Variants in GALNT6 observed in about 807,000 individuals in gnomAD.
The protein encoded by GALNT6 is polypeptide N-acetylgalactosaminyltransferase 6, also known as GalNAc transferase 6.
A neutral mutation model predicts 65.9 loss-of-function variants in GALNT6; 51 were observed. That is an observed-to-expected ratio of 0.77 (90% CI 0.62 to 0.98). The LOEUF (loss-of-function observed/expected upper bound fraction) is 0.98, where lower values mean the gene tolerates loss of function less well. GALNT6 is among the 50% of genes least tolerant of loss of function. The pLI is 0.00. For synonymous variants in GALNT6, 323 were observed against 315.1 expected, an observed-to-expected ratio of 1.02 and a Z score of -0.26; for missense variants, 708 against 803.3, an observed-to-expected ratio of 0.88 and a Z score of 1.43.
Position 51,354,394 on chromosome 12 carries a change from C to T in GALNT6, c.1854G>A (p.Leu618=). Residue 618 remains leucine, a synonymous_variant, in exon 12 of 12, where the codon TTG becomes TTA. Transcript: ENST00000356317. ...GATCTGGGTCCTAGACAAAGAGCCA[C>T]AACTGATGGGGGTCACTGGGATTGC... The part of the protein sequence containing the change: ...APCNPSDPHQ[L]WLFV 1 of 1,566,764 alleles carries T rather than the reference C, an allele frequency of 6.4e-7. No individual in the cohort carries two copies. The highest frequency in any genetic ancestry group is 8.6e-7 in the Non-Finnish European group (1 of 1,160,232).
At chr12:51,360,881 G>A (rs748296524) in intron 6 of GALNT6, 43 bp from the exon 7 acceptor site, 13 of 1,350,734 alleles carry the variant, frequency 9.6e-6, no homozygotes, top group Admixed American at 1.7e-5. Flanking sequence ...TCTGGGAGAG[G>A]AGGAGCGGAG....
chr12:51,378,570 ACG>A (rs139471673), intron 3 of GALNT6, among the ~76,000 whole-genome samples: 2,042 of 152,248 alleles, frequency 0.013, 41 homozygotes, highest in African/African-American at 0.047. Context: ...CTAAAGACTC[ACG>A]AAATCTGGGG....
At position 51,352,349 on chromosome 12, in the gene GALNT6, G is replaced by T. The variant is rs182408062; in HGVS notation, c.*2030C>A. 6.6e-6 allele frequency: 1 copy of T among 152,250 alleles called. No individual in the cohort carries two copies. The highest frequency in any genetic ancestry group is 1.9e-4 in the East Asian group (1 of 5,168). The allele number at this position is 152,250 out of a possible 1,614,324, so 9.4% of individuals were successfully genotyped here. On this transcript the variant is annotated 3_prime_UTR_variant, in exon 12 of 12. Coordinates refer to ENST00000356317, the MANE Select transcript of GALNT6 (RefSeq NM_007210.4). Reference sequence around the variant, plus strand: ...CCTTATCAGAGTCCTTACCCTCAGGGCTACTGATACCTTGCTGGGTGACCT... The same window carrying T: ...CCTTATCAGAGTCCTTACCCTCAGGTCTACTGATACCTTGCTGGGTGACCT...
chr12:51,384,551 G>A (rs927330121), intron 2 of GALNT6, among the ~76,000 whole-genome samples: 16 of 151,986 alleles, frequency 1.1e-4, no homozygotes, highest in Admixed American at 2.0e-4. Context: ...AATTAGCCAG[G>A]CATGGTGGCA....
intron 4 of GALNT6, among the ~76,000 whole-genome samples, chr12:51,369,781 T>TC (rs1947229381): frequency 6.6e-6 from 1 of 151,930 alleles, no homozygotes; most frequent in South Asian, 2.1e-4. Flanking sequence ...CATGCTAGAA[T>TC]CCCCCCTGCT....
chr12:51,375,979 G>GA (rs1947440823), intron 4 of GALNT6, among the ~76,000 whole-genome samples: 1 of 152,038 alleles, frequency 6.6e-6, no homozygotes. Flanking sequence ...TTGTGCCTCA[G>GA]CCTCCCGAGC....
In GALNT6 at chr12:51,379,812, T is replaced by C. The variant is rs1412247327; in HGVS notation, c.-31A>G. Reference sequence around the variant, plus strand: ...AGAACCAAGGGGCACCCCAGCTGCGTCAGCTCTGAGTCCTGAGCCCAACCC... The same window carrying C: ...AGAACCAAGGGGCACCCCAGCTGCGCCAGCTCTGAGTCCTGAGCCCAACCC... On this transcript the variant is annotated 5_prime_UTR_variant, in exon 3 of 12. Transcript: ENST00000356317. 7.0e-6 allele frequency: 11 copies of C among 1,576,314 alleles called. No homozygotes were observed. The South Asian group carries it at 1.0e-4, about 15-fold the overall frequency.
rs377185867 is a variant in GALNT6, at chr12:51,359,181, T to C, written c.1319A>G (p.Lys440Arg). The change falls in exon 8 of 12, where the codon AAG becomes AGG. Residue 440 changes from lysine to arginine, a missense_variant. Transcript: ENST00000356317. ...CAGATTTCTCCTATAGAAAATCTTC[T>C]TGTAGCTGTCCATCCAGACCTCTGC... The part of the protein sequence containing the change: ...RLAEVWMDSY[K>R]KIFYRRNLQA... 3.7e-6 allele frequency: 6 copies of C among 1,614,094 alleles called. No individual in the cohort carries two copies. The African/African-American group carries it at 8.0e-5, about 22-fold the overall frequency.
In GALNT6 at chr12:51,355,794, A is replaced by C; in HGVS notation, c.1755+12T>G. Reference sequence around the variant, plus strand: ...AAGTTCTTGATTCTGAGCTTTCTGGACACTGACTCACCTGGGCCAATTCCC... The same window carrying C: ...AAGTTCTTGATTCTGAGCTTTCTGGCCACTGACTCACCTGGGCCAATTCCC... On this transcript the variant is annotated intron_variant, in intron 11 of 11. Coordinates refer to ENST00000356317, the MANE Select transcript of GALNT6 (RefSeq NM_007210.4). 6.2e-7 allele frequency: 1 copy of C among 1,611,336 alleles called. No individual in the cohort carries two copies. The highest frequency in any genetic ancestry group is 1.1e-5 in the South Asian group (1 of 90,942).
intron 4 of GALNT6, among the ~76,000 whole-genome samples, chr12:51,370,463 A>T (rs1410007530): frequency 6.6e-6 from 1 of 152,210 alleles, no homozygotes; most frequent in Non-Finnish European, 1.5e-5. Context: ...TGAACCCAGG[A>T]GGTGGAGGTT....
chr12:51,365,203 T>A (rs2137607383), intron 5 of GALNT6, among the ~76,000 whole-genome samples: 1 of 152,288 alleles, frequency 6.6e-6, no homozygotes, highest in East Asian at 1.9e-4. Flanking sequence ...TGGAAATCAC[T>A]TCCAGTGATT....
At chr12:51,386,165 G>A (rs114655881) in intron 2 of GALNT6, among the ~76,000 whole-genome samples, 1,703 of 152,292 alleles carry the variant, frequency 0.011, 27 homozygotes, top group African/African-American at 0.039. Flanking sequence ...GTCTGTCTGT[G>A]GGTCTAACAC....
At chr12:51,381,376 G>A (rs1592353872) in intron 2 of GALNT6, among the ~76,000 whole-genome samples, 2 of 152,356 alleles carry the variant, frequency 1.3e-5, no homozygotes, top group South Asian at 4.1e-4. Flanking sequence ...CCCCAGGCAT[G>A]TGGATCCATG....
intron 4 of GALNT6, among the ~76,000 whole-genome samples, chr12:51,369,724 G>A (rs538023204): frequency 2.7e-4 from 41 of 152,202 alleles, no homozygotes; most frequent in Non-Finnish European, 5.6e-4. Context: ...TCTCCCTCAC[G>A]TCAGTACACG....
chr12:51,370,834 A>C (rs570106186), intron 4 of GALNT6, among the ~76,000 whole-genome samples: 12 of 152,190 alleles, frequency 7.9e-5, no homozygotes, highest in Admixed American at 4.6e-4. Flanking sequence ...CAGCCTGGTC[A>C]ACATGGTGAG....
chr12:51,388,648 A>G (rs1185261992), intron 2 of GALNT6, among the ~76,000 whole-genome samples: 1 of 152,092 alleles, frequency 6.6e-6, no homozygotes, highest in Non-Finnish European at 1.5e-5. Context: ...ACTATCATGG[A>G]GAAGGGAGAA....
chr12:51,363,119 C>G (rs556146769), intron 6 of GALNT6, among the ~76,000 whole-genome samples: 1 of 152,180 alleles, frequency 6.6e-6, no homozygotes, highest in Non-Finnish European at 1.5e-5. Context: ...TGCATCCCTC[C>G]GTCCTGGATG....
chr12:51,384,996 C>CT (rs958678142), intron 2 of GALNT6, among the ~76,000 whole-genome samples: 243 of 151,360 alleles, frequency 1.6e-3, no homozygotes, highest in African/African-American at 4.6e-3. Context: ...TTCTTTCTTT[C>CT]TTTTTTTTTG....
intron 2 of GALNT6, among the ~76,000 whole-genome samples, chr12:51,381,370 A>C (rs1947667493): frequency 1.3e-5 from 2 of 152,254 alleles, no homozygotes; most frequent in African/African-American, 4.8e-5. Flanking sequence ...CTCCACCCCC[A>C]GGCATGTGGA....
Sources: allele counts gnomAD v4.1 joint callset (sites outside exome capture counted in the v4.1 genomes callset), GRCh38; gene constraint gnomAD v4.1.1; transcripts MANE v1.5; gene names NCBI Gene and HGNC (gene_info 2026-07-23, HGNC 2026-07-21).